ROBO3: variants seen among roughly 807,000 people sequenced by gnomAD.
The protein encoded by ROBO3 is roundabout guidance receptor 3.
In ROBO3, 97 loss-of-function variants were observed where a neutral mutation model predicts 160.5. The ratio of observed to expected loss-of-function variants is 0.60; its 90% CI spans 0.51 to 0.72. ROBO3 has a LOEUF of 0.72. ROBO3 is among the 30% of genes least tolerant of loss of function. ROBO3 has a pLI of 0.00. For missense variants in ROBO3, 1,858 were observed against 1,846.5 expected, an observed-to-expected ratio of 1.01 and a Z score of -0.11; for synonymous variants, 780 against 746.2, an observed-to-expected ratio of 1.05 and a Z score of -0.74.
chr11:124,878,600 T>G lies in ROBO3; in HGVS notation c.3337T>G (p.Trp1113Gly), dbSNP rs772670170. 6.8e-6 allele frequency: 11 copies of G among 1,610,542 alleles called. No individual in the cohort carries two copies. The East Asian group carries it at 2.0e-4, about 29-fold the overall frequency. The change falls in exon 23 of 28, where the codon TGG becomes GGG. Residue 1113 changes from tryptophan (W) to glycine (G), a missense_variant. Transcript: ENST00000397801. The surrounding 1 kb of genome is among the most constrained non-coding windows in gnomAD (Gnocchi z 4.3). Reference sequence around the variant, plus strand: ...TGATCCCAGCTCAGAGCCAGAGGAGTGGTGCCCGCCAATGCCTGAGAGAAG... The same window carrying G: ...TGATCCCAGCTCAGAGCCAGAGGAGGGGTGCCCGCCAATGCCTGAGAGAAG... ...ELEGSSEPEE[W>G]CPPMPERSHL...
chr11:124,865,432 G>A lies in ROBO3; in HGVS notation c.-146G>A. 1.3e-6 allele frequency: 1 copy of A among 749,722 alleles called. No homozygotes were observed. Among genetic ancestry groups the A allele is most frequent in the South Asian group, 1.8e-5 (1 of 55,018 alleles). The allele number at this position is 749,722 out of a possible 1,614,324, so 46.4% of individuals were successfully genotyped here. On this transcript the variant is annotated 5_prime_UTR_variant, in exon 1 of 28. Coordinates refer to ENST00000397801, the MANE Select transcript of ROBO3 (RefSeq NM_022370.4). The surrounding 1 kb of genome is among the most constrained non-coding windows in gnomAD (Gnocchi z 5.5). ...AGGAGGGCACGAAGAGGCACCGACC[G>A]TACCCAGGCGCACCGGCAGGAGAGC... is the stretch of plus-strand genomic sequence containing the variant.
Position 124,869,429 on chromosome 11 carries a change from G to GCCGCCCC in ROBO3, c.488-19_488-18insGCCCCCC. 2.3e-6 allele frequency: 3 copies of GCCGCCCC among 1,295,764 alleles called. No homozygotes were observed. Among genetic ancestry groups the GCCGCCCC allele is most frequent in the Non-Finnish European group, 3.2e-6 (3 of 929,942 alleles). 80.3% of individuals were successfully genotyped at this position (1,295,764 alleles called of 1,614,324 possible). A position where few individuals can be genotyped will look rare whatever the true frequency, so the allele number is the denominator to read the frequency against. ...TGTCACTCTACACCCTGCTTATTTC[G>GCCGCCCC]CCCCCCACCGCCCCGCCCAGTCCTC... On this transcript the variant is annotated intron_variant, in intron 2 of 27. Coordinates refer to ENST00000397801, the MANE Select transcript of ROBO3 (RefSeq NM_022370.4). The surrounding 1 kb of genome is among the most constrained non-coding windows in gnomAD (Gnocchi z 4.2).
intron 23 of ROBO3, 46 bp from the exon 24 acceptor site, chr11:124,879,144 C>A: frequency 1.3e-6 from 2 of 1,535,982 alleles, no homozygotes; most frequent in South Asian, 1.2e-5. Context: ...AGTAGGCATT[C>A]AGTTTTTGTG....
At chr11:124,875,399 AG>A (rs1226136494) in intron 14 of ROBO3, 63 bp downstream of exon 14, 27 of 1,120,806 alleles carry the variant, frequency 2.4e-5, no homozygotes, top group East Asian at 4.7e-5. Context: ...GTGGAGGTGG[AG>A]GGGGGATGAA....
At chr11:124,875,925 ACT>A in intron 15 of ROBO3, 27 bp from the exon 16 acceptor site, 1 of 1,578,814 alleles carries the variant, frequency 6.3e-7, no homozygotes, top group East Asian at 2.3e-5. Context: ...CCCATTTCTG[ACT>A]CTAAATCCGG....
rs750091080 is a variant in ROBO3, at chr11:124,871,113, T to C, written c.1133T>C (p.Ile378Thr). The change falls in exon 7 of 28, where the codon ATC becomes ACC. Residue 378 changes from isoleucine (I) to threonine (T), a missense_variant. Physicochemically the swap from Ile to Thr is moderately conservative, Grantham distance 89 (BLOSUM62 -1). Coordinates refer to ENST00000397801, the MANE Select transcript of ROBO3 (RefSeq NM_022370.4). The stretch of plus-strand genomic sequence containing the variant: ...ACCAAAGGAAACCCCCCACCTGCCA[T>C]CTTCTGGCAGAAGGAGGGGAGTCAG... ...CETKGNPPPAIFWQKEGSQVL... is the reference protein window; with the variant it reads ...CETKGNPPPATFWQKEGSQVL... 10 of 1,613,342 alleles carry C rather than the reference T, an allele frequency of 6.2e-6. No individual in the cohort carries two copies. Among genetic ancestry groups the C allele is most frequent in the South Asian group, 3.3e-5 (3 of 91,052 alleles).
At chr11:124,867,147 T>C (rs1050609738) in intron 1 of ROBO3, among the ~76,000 whole-genome samples, 3 of 152,048 alleles carry the variant, frequency 2.0e-5, no homozygotes, top group African/African-American at 7.3e-5. Context: ...TCCATTTCCA[T>C]TACACCTGAG....
At chr11:124,867,573 A>G (rs1946216406) in intron 1 of ROBO3, among the ~76,000 whole-genome samples, 1 of 152,132 alleles carries the variant, frequency 6.6e-6, no homozygotes, top group African/African-American at 2.4e-5. Context: ...AAGGGAGGAG[A>G]TGGAGAAAAT....
rs763076148 is a variant in ROBO3, at chr11:124,876,386, G to A, written c.2705G>A (p.Gly902Glu). 11 of 1,450,010 alleles carry A rather than the reference G, an allele frequency of 7.6e-6. No homozygotes were observed. The highest frequency in any genetic ancestry group is 9.9e-6 in the Non-Finnish European group (11 of 1,108,422). 89.8% of individuals were successfully genotyped at this position (1,450,010 alleles called of 1,614,324 possible). Residue 902 changes from glycine (G) to glutamate (E), a missense_variant, in exon 17 of 28, where the codon GGG becomes GAG. Transcript: ENST00000397801. The surrounding 1 kb of genome is among the most constrained non-coding windows in gnomAD (Gnocchi z 5.3). The stretch of plus-strand genomic sequence containing the variant: ...CTCGCGGGCAGCGGCGCAGCCTGCG[G>A]GGCGCTGCTTCTCGGGCTCTGCGCC... ...AFLAGSGAAC[G>E]ALLLGLCAAL...
chr11:124,865,890 T>G lies in ROBO3; in HGVS notation c.160+153T>G, dbSNP rs1946189974. Among the ~76,000 whole-genome samples, 1 of 152,104 alleles carries G rather than the reference T, an allele frequency of 6.6e-6. No homozygotes were observed. Among genetic ancestry groups the G allele is most frequent in the South Asian group, 2.1e-4 (1 of 4,828 alleles). The stretch of plus-strand genomic sequence containing the variant: ...TGGGTCGTGGGGTCTAAGGGATAAT[T>G]TGGAGCTTCGAGCACATGAGTGGGG... On this transcript the variant is annotated intron_variant, in intron 1 of 27. Transcript: ENST00000397801. This position sits in a 1 kb window ranked among gnomAD's most constrained non-coding sequence, Gnocchi z 5.5.
chr11:124,867,912 C>T (rs1473658499), intron 1 of ROBO3, among the ~76,000 whole-genome samples: 3 of 152,140 alleles, frequency 2.0e-5, no homozygotes, highest in African/African-American at 7.2e-5. Context: ...CTTTTGTTGG[C>T]TGGACTAGGG....
Position 124,865,673 on chromosome 11 carries a change from C to G in ROBO3, c.96C>G (p.Gly32=), listed in dbSNP as rs1374701045. 1.2e-6 allele frequency: 2 copies of G among 1,612,350 alleles called. No individual in the cohort carries two copies. Among genetic ancestry groups the G allele is most frequent in the Non-Finnish European group, 1.7e-6 (2 of 1,179,428 alleles). ...DISNSSELLL[G]FNSSLAALNH... ...CCAACTCCAGCGAGCTGCTCTTGGG[C>G]TTCAACTCCTCGCTGGCGGCGCTCA... Residue 32 remains glycine, a synonymous_variant, in exon 1 of 28, where the codon GGC becomes GGG. Transcript: ENST00000397801. This position sits in a 1 kb window ranked among gnomAD's most constrained non-coding sequence, Gnocchi z 5.5.
At chr11:124,874,467 C>T (rs2135331872) in intron 12 of ROBO3, among the ~76,000 whole-genome samples, 1 of 152,176 alleles carries the variant, frequency 6.6e-6, no homozygotes, top group African/African-American at 2.4e-5. Flanking sequence ...GAGAGGTAGT[C>T]ATTCATTTTG....
Position 124,878,850 on chromosome 11 carries a change from C to CATCTACTG in ROBO3, c.3533+55_3533+56insTCTACTGA. The CATCTACTG allele has an allele frequency of 7.3e-7, 1 of 1,367,600 alleles. No homozygotes were observed. The highest frequency in any genetic ancestry group is 1.0e-6 in the Non-Finnish European group (1 of 974,852). 84.7% of individuals were successfully genotyped at this position (1,367,600 alleles called of 1,614,324 possible). Reference sequence around the variant, plus strand: ...TGCAAGCCCTCTATACGTATCTACTCAGTAGATGACTGGGTGGGTGGATGG... The same window carrying CATCTACTG: ...TGCAAGCCCTCTATACGTATCTACTCATCTACTGAGTAGATGACTGGGTGGGTGGATGG... On this transcript the variant is annotated intron_variant, in intron 23 of 27. Coordinates refer to ENST00000397801, the MANE Select transcript of ROBO3 (RefSeq NM_022370.4). This position sits in a 1 kb window ranked among gnomAD's most constrained non-coding sequence, Gnocchi z 4.3.
rs1313889116 is a variant in ROBO3 at position 124,868,942 on chromosome 11, G to A, written c.301G>A (p.Gly101Arg). The A allele has an allele frequency of 1.2e-6, 2 of 1,606,466 alleles. No homozygotes were observed. The highest frequency in any genetic ancestry group is 1.1e-5 in the South Asian group (1 of 89,772). Reference sequence around the variant, plus strand: ...ACCCAACATTGAGTGGTACAAGAACGGGGCGCGTGTGGCCACTGTGCGGGA... The same window carrying A: ...ACCCAACATTGAGTGGTACAAGAACAGGGCGCGTGTGGCCACTGTGCGGGA... The part of the protein sequence containing the change: ...PRPNIEWYKN[G>R]ARVATVREDP... The change falls in exon 2 of 28, where the codon GGG becomes AGG. Residue 101 changes from glycine to arginine, a missense_variant. Coordinates refer to ENST00000397801, the MANE Select transcript of ROBO3 (RefSeq NM_022370.4).
chr11:124,881,197 G>T, intron 27 of ROBO3, 42 bp from the exon 28 acceptor site: 1 of 1,593,664 alleles, frequency 6.3e-7, no homozygotes, highest in Non-Finnish European at 8.6e-7. Context: ...GTTTGCCCTG[G>T]GCCAGGGTTT....
In ROBO3 at chr11:124,868,867, TCCCGAGGCGAGCCCGCCA is replaced by T. The variant is rs763518435; in HGVS notation, c.228_245del (p.Arg77_Thr82del). ...GGAGCAGCCGCCAGATCTGCTGGTC[TCCCGAGGCGAGCCCGCCA>T]CGTTGCCCTGCCGCGCTGAAGGCCG... On this transcript the variant is annotated inframe_deletion, in exon 2 of 28. Coordinates refer to ENST00000397801, the MANE Select transcript of ROBO3 (RefSeq NM_022370.4). 4.4e-6 allele frequency: 7 copies of T among 1,608,256 alleles called. No individual in the cohort carries two copies. In the Admixed American group the frequency reaches 1.2e-4, roughly 27 times the overall value.
chr11:124,879,610 A>G (rs2135347651), intron 25 of ROBO3, 35 bp downstream of exon 25: 1 of 1,563,964 alleles, frequency 6.4e-7, no homozygotes, highest in Non-Finnish European at 8.8e-7. Context: ...TGGTGACAGT[A>G]GTGGCGGGGG....
chr11:124,880,976 C>A (rs1367299177), intron 27 of ROBO3, among the ~76,000 whole-genome samples: 1 of 152,142 alleles, frequency 6.6e-6, no homozygotes, highest in East Asian at 1.9e-4. Context: ...ATAGCTTGAG[C>A]CTGGGAGGTC....
Sources: allele counts gnomAD v4.1 joint callset (sites outside exome capture counted in the v4.1 genomes callset), GRCh38; gene constraint gnomAD v4.1.1; non-coding constraint Gnocchi (gnomAD v3.1); transcripts MANE v1.5; gene names NCBI Gene and HGNC (gene_info 2026-07-23, HGNC 2026-07-21).